The following CCSER1 variants were observed in gnomAD, a reference collection of about 807,000 sequenced individuals.
The protein encoded by CCSER1 is serine-rich coiled-coil domain-containing protein 1.
CCSER1 carries 41 observed loss-of-function variants against 82.0 expected under a neutral mutation model. The observed-to-expected ratio is 0.50, with a 90% CI of 0.39 to 0.65. The LOEUF (loss-of-function observed/expected upper bound fraction) is 0.65, where lower values mean the gene tolerates loss of function less well. Ranked by LOEUF, CCSER1 falls within the 30% of genes least tolerant of loss-of-function variation. The pLI is 0.00. For missense variants in CCSER1, 1,119 were observed against 1,064.2 expected (o/e 1.05, Z -0.72); for synonymous variants, 414 against 383.9 (o/e 1.08, Z -0.92).
At chr4:90,789,486 G>A (rs1754949691) in intron 7 of CCSER1, among the ~76,000 whole-genome samples, 1 of 151,850 alleles carries the variant, frequency 6.6e-6, no homozygotes, top group Non-Finnish European at 1.5e-5. Context: ...TACTCACGTA[G>A]CCAATGTCTA....
intron 10 of CCSER1, among the ~76,000 whole-genome samples, chr4:91,200,356 CA>C (rs1407018109): frequency 6.6e-6 from 1 of 152,012 alleles, no homozygotes; most frequent in Non-Finnish European, 1.5e-5. Flanking sequence ...CACATTTCTA[CA>C]GAAACAATTC....
intron 5 of CCSER1, among the ~76,000 whole-genome samples, chr4:90,597,111 T>C (rs1251913829): frequency 6.6e-6 from 1 of 151,974 alleles, no homozygotes; most frequent in Non-Finnish European, 1.5e-5. Flanking sequence ...GAAATTTAAA[T>C]TCTATCTTCT....
In CCSER1 at chr4:90,223,103, A is replaced by G. The variant is rs547505448; in HGVS notation, c.-41-85141A>G. Among the ~76,000 whole-genome samples, 4 of 152,212 alleles carry G rather than the reference A, an allele frequency of 2.6e-5. No homozygotes were observed. The East Asian group carries it at 7.7e-4, about 29-fold the overall frequency. Reference sequence around the variant, plus strand: ...CTATTCCCTTTGTGTAACTACACTCATCTCCCTTCTGTTCCCCCATTCCTA... The same window carrying G: ...CTATTCCCTTTGTGTAACTACACTCGTCTCCCTTCTGTTCCCCCATTCCTA... On this transcript the variant is annotated intron_variant, in intron 1 of 10. Transcript: ENST00000509176.
chr4:90,590,907 A>G (rs988762697), intron 5 of CCSER1, among the ~76,000 whole-genome samples: 3 of 152,146 alleles, frequency 2.0e-5, no homozygotes, highest in Non-Finnish European at 4.4e-5. Context: ...CATTTTCATG[A>G]TATTGGTTCT....
At chr4:90,717,210 GGGTTTTGGAC>G (rs1168613120) in intron 6 of CCSER1, among the ~76,000 whole-genome samples, 1 of 152,104 alleles carries the variant, frequency 6.6e-6, no homozygotes, top group African/African-American at 2.4e-5. Context: ...TCTATTTTAA[GGGTTTTGGAC>G]CAGCAGTATT....
At chr4:91,288,655 G>A (rs911131579) in intron 10 of CCSER1, among the ~76,000 whole-genome samples, 30 of 151,992 alleles carry the variant, frequency 2.0e-4, no homozygotes, top group Non-Finnish European at 3.2e-4. Flanking sequence ...ACTCTATTCT[G>A]TTGCTTCCTT....
intron 10 of CCSER1, among the ~76,000 whole-genome samples, chr4:91,139,341 A>G (rs1469291104): frequency 2.0e-5 from 3 of 151,850 alleles, no homozygotes; most frequent in Admixed American, 6.6e-5. Context: ...TTTAAATACC[A>G]CTTATCGTCT....
chr4:91,175,675 A>AT (rs1286640476), intron 10 of CCSER1, among the ~76,000 whole-genome samples: 2 of 151,776 alleles, frequency 1.3e-5, no homozygotes, highest in East Asian at 1.9e-4. Context: ...GCGTTGTTTC[A>AT]TTTTTTTCTT....
chr4:90,769,779 CA>C (rs1751798984), intron 7 of CCSER1, among the ~76,000 whole-genome samples: 1 of 152,108 alleles, frequency 6.6e-6, no homozygotes, highest in South Asian at 2.1e-4. Flanking sequence ...GTAGGTACTA[CA>C]GTAGTATCAA....
intron 10 of CCSER1, among the ~76,000 whole-genome samples, chr4:91,163,058 T>A (rs1029731118): frequency 7.9e-5 from 12 of 152,242 alleles, no homozygotes; most frequent in African/African-American, 2.9e-4. Flanking sequence ...TGCTTTCTCT[T>A]GTGGGCATTT....
At chr4:90,475,176 T>G (rs1284094220) in intron 5 of CCSER1, among the ~76,000 whole-genome samples, 1 of 152,216 alleles carries the variant, frequency 6.6e-6, no homozygotes, top group Non-Finnish European at 1.5e-5. Context: ...ATTCTTATGA[T>G]TCTTTACTAA....
At chr4:91,145,037 G>A (rs1290850495) in intron 10 of CCSER1, among the ~76,000 whole-genome samples, 1 of 152,028 alleles carries the variant, frequency 6.6e-6, no homozygotes, top group African/African-American at 2.4e-5. Context: ...TTGATGATCT[G>A]TCTAACACTG....
intron 7 of CCSER1, among the ~76,000 whole-genome samples, chr4:90,802,146 A>G (rs1439107877): frequency 6.6e-6 from 1 of 151,450 alleles, no homozygotes; most frequent in Admixed American, 6.6e-5. Flanking sequence ...TGAACCCGGG[A>G]GGCGGAGTTT....
chr4:91,329,057 CT>C (rs1165489537), intron 10 of CCSER1, among the ~76,000 whole-genome samples: 1 of 152,206 alleles, frequency 6.6e-6, no homozygotes, highest in Non-Finnish European at 1.5e-5. Context: ...AATTAAACCT[CT>C]TTCCTTTATA....
At chr4:90,441,021 A>T (rs1300548868) in intron 4 of CCSER1, among the ~76,000 whole-genome samples, 1 of 152,168 alleles carries the variant, frequency 6.6e-6, no homozygotes, top group East Asian at 1.9e-4. Context: ...TGCACAAGGG[A>T]CGAGGGAAGA....
chr4:90,933,178 T>TGTGA (rs1730439738), intron 9 of CCSER1, among the ~76,000 whole-genome samples: 1 of 105,704 alleles, frequency 9.5e-6, no homozygotes, highest in Middle Eastern at 4.6e-3. Context: ...TGTGTGTGTG[T>TGTGA]GTGTGATTTT....
At position 90,932,983 on chromosome 4, in the gene CCSER1, A is replaced by T. The variant is rs1161848330; in HGVS notation, c.2172+9536A>T. ...GAAAGAAAGAAAGAAAGAAAGAAAG[A>T]GAAAGAAAGAAAGAAAGAAAGAAAG... On this transcript the variant is annotated intron_variant, in intron 9 of 10. Coordinates refer to ENST00000509176, the MANE Select transcript of CCSER1 (RefSeq NM_001145065.2). 1.9e-3 allele frequency among the ~76,000 whole-genome samples: 27 copies of T among 14,120 alleles called. 5 individuals carry two copies. Among genetic ancestry groups the T allele is most frequent in the African/African-American group, 0.011 (24 of 2,088 alleles). 9.3% of individuals were successfully genotyped at this position (14,120 alleles called of 152,430 possible). A position where few individuals can be genotyped will look rare whatever the true frequency, so the allele number is the denominator to read the frequency against.
intron 5 of CCSER1, among the ~76,000 whole-genome samples, chr4:90,582,269 G>A (rs1781494023): frequency 6.6e-6 from 1 of 152,204 alleles, no homozygotes; most frequent in African/African-American, 2.4e-5. Flanking sequence ...CAAAGGGCCA[G>A]TTCTGAAGAC....
At chr4:91,371,538 T>C (rs1262881300) in intron 10 of CCSER1, among the ~76,000 whole-genome samples, 1 of 152,226 alleles carries the variant, frequency 6.6e-6, no homozygotes, top group Non-Finnish European at 1.5e-5. Flanking sequence ...TAGTATCCCA[T>C]TGTGTATATG....
Sources: gnomAD v4.1 joint callset for allele counts (sites outside exome capture counted in the v4.1 genomes callset) on GRCh38, gnomAD v4.1.1 for gene constraint, MANE v1.5 for transcripts, NCBI Gene and HGNC (gene_info 2026-07-23, HGNC 2026-07-21) for gene names.